DPYD: variants seen among roughly 807,000 people sequenced by gnomAD.
DPYD encodes dihydropyrimidine dehydrogenase [NADP(+)].
In DPYD, 109 loss-of-function variants were observed where a neutral mutation model predicts 116.2. That is an observed-to-expected ratio of 0.94 (90% confidence interval 0.80 to 1.10). The LOEUF (loss-of-function observed/expected upper bound fraction) is 1.10, where lower values mean the gene tolerates loss of function less well. Among genes scored for constraint, DPYD ranks in the 50% least tolerant of loss-of-function variants. The pLI is 0.00. For synonymous variants in DPYD, 440 were observed against 432.0 expected (o/e 1.02, Z -0.23); for missense variants, 1,302 against 1,254.5 (o/e 1.04, Z -0.57).
At chr1:97,611,222 C>G (rs548712891) in intron 8 of DPYD, among the ~76,000 whole-genome samples, 3 of 152,150 alleles carry the variant, frequency 2.0e-5, no homozygotes, top group Admixed American at 6.6e-5. Context: ...AGAGCCTGTG[C>G]AGAGAAACTC....
intron 14 of DPYD, among the ~76,000 whole-genome samples, chr1:97,398,909 T>C (rs939743416): frequency 6.6e-6 from 1 of 152,204 alleles, no homozygotes; most frequent in African/African-American, 2.4e-5. Flanking sequence ...CTGTTCACTC[T>C]GATGGTAGTT....
At chr1:97,789,666 C>T (rs1398760336) in intron 3 of DPYD, among the ~76,000 whole-genome samples, 1 of 152,082 alleles carries the variant, frequency 6.6e-6, no homozygotes, top group Non-Finnish European at 1.5e-5. Flanking sequence ...CCCATATGAC[C>T]TCATGCTGGC....
At chr1:97,258,317 C>A (rs1049917869) in intron 18 of DPYD, among the ~76,000 whole-genome samples, 2 of 152,302 alleles carry the variant, frequency 1.3e-5, no homozygotes, top group Non-Finnish European at 2.9e-5. Context: ...AGGGCCTCTC[C>A]TGCCACCACA....
intron 4 of DPYD, among the ~76,000 whole-genome samples, chr1:97,739,723 C>T (rs1472759302): frequency 1.3e-5 from 2 of 151,882 alleles, no homozygotes; most frequent in African/African-American, 2.4e-5. Flanking sequence ...GACACTTGGG[C>T]GAGCTCTCAA....
At position 97,630,184 on chromosome 1, in the gene DPYD, A is replaced by G. The variant is rs1389540318; in HGVS notation, c.851-35018T>C. On this transcript the variant is annotated intron_variant, in intron 8 of 22. Coordinates refer to ENST00000370192, the MANE Select transcript of DPYD (RefSeq NM_000110.4). ...GCCACTATATACAGTCAAAAAAAAAAGAAATATAAAGCACTATATAAATAT... is the reference window on the plus strand; with the variant it reads ...GCCACTATATACAGTCAAAAAAAAAGGAAATATAAAGCACTATATAAATAT... Among the ~76,000 whole-genome samples the G allele has an allele frequency of 7.1e-4, 108 of 151,944 alleles. 1 individual carries two copies. The highest frequency in any genetic ancestry group is 7.4e-5 in the Non-Finnish European group (5 of 67,968).
Position 97,450,320 on chromosome 1 carries a change from C to T in DPYD, c.1741-97G>A, listed in dbSNP as rs556068918. The stretch of plus-strand genomic sequence containing the variant: ...TCCATATGACAATATTTTATGAGGT[C>T]CCTTCTCACATTTTTGCAGAGGAAT... On this transcript the variant is annotated intron_variant, in intron 13 of 22. Transcript: ENST00000370192. The T allele has an allele frequency of 1.3e-5, 17 of 1,338,480 alleles. No individual in the cohort carries two copies. The South Asian group carries it at 1.8e-4, about 14-fold the overall frequency. 82.9% of individuals were successfully genotyped at this position (1,338,480 alleles called of 1,614,324 possible). A position where few individuals can be genotyped will look rare whatever the true frequency, so the allele number is the denominator to read the frequency against.
intron 3 of DPYD, among the ~76,000 whole-genome samples, chr1:97,825,464 A>G (rs998497774): frequency 1.3e-5 from 2 of 152,046 alleles, no homozygotes; most frequent in Admixed American, 6.6e-5. Context: ...ACTCAGGACA[A>G]GAACACCACT....
At chr1:97,896,130 T>C (rs1050374722) in intron 1 of DPYD, among the ~76,000 whole-genome samples, 1 of 151,806 alleles carries the variant, frequency 6.6e-6, no homozygotes, top group African/African-American at 2.4e-5. Flanking sequence ...AATGGACTCT[T>C]AGAGATTAAC....
intron 20 of DPYD, among the ~76,000 whole-genome samples, chr1:97,145,012 G>A (rs910400232): frequency 6.6e-6 from 1 of 152,164 alleles, no homozygotes; most frequent in South Asian, 2.1e-4. Context: ...TGGTGGTGGT[G>A]CTGGGGCAAG....
chr1:97,363,406 G>T (rs2101444268), intron 16 of DPYD, among the ~76,000 whole-genome samples: 1 of 152,278 alleles, frequency 6.6e-6, no homozygotes, highest in East Asian at 1.9e-4. Context: ...ATTTGTCAAG[G>T]ATCTAGAACT....
At chr1:97,473,139 ATC>A (rs912988588) in intron 13 of DPYD, among the ~76,000 whole-genome samples, 39 of 152,146 alleles carry the variant, frequency 2.6e-4, no homozygotes, top group African/African-American at 8.9e-4. Context: ...GCTTCCCAAA[ATC>A]TCCTGGCAAC....
At chr1:97,162,009 G>A (rs2101746553) in intron 20 of DPYD, among the ~76,000 whole-genome samples, 1 of 151,884 alleles carries the variant, frequency 6.6e-6, no homozygotes, top group Non-Finnish European at 1.5e-5. Flanking sequence ...CTTTGCTATT[G>A]TGAATAGAGC....
chr1:97,330,498 C>T (rs915966182), intron 16 of DPYD, among the ~76,000 whole-genome samples: 26 of 152,146 alleles, frequency 1.7e-4, no homozygotes, highest in African/African-American at 5.8e-4. Flanking sequence ...TCAACTGCTA[C>T]TCTATCTGCC....
chr1:97,498,871 T>G (rs543504506), intron 13 of DPYD, among the ~76,000 whole-genome samples: 10 of 151,754 alleles, frequency 6.6e-5, no homozygotes, highest in Admixed American at 2.6e-4. Context: ...AGATTAAAAT[T>G]TAATAGAAAA....
intron 2 of DPYD, among the ~76,000 whole-genome samples, chr1:97,868,784 G>A (rs567693234): frequency 2.6e-5 from 4 of 151,796 alleles, no homozygotes; most frequent in South Asian, 2.1e-4. Context: ...CAACTTAATC[G>A]TAATTTTAAC....
chr1:97,881,081 G>C (rs1672194454), intron 2 of DPYD, among the ~76,000 whole-genome samples: 1 of 151,920 alleles, frequency 6.6e-6, no homozygotes, highest in South Asian at 2.1e-4. Flanking sequence ...GCAAGTGTTT[G>C]ATAATTTTAA....
intron 8 of DPYD, among the ~76,000 whole-genome samples, chr1:97,617,898 T>C (rs1360800205): frequency 1.3e-5 from 2 of 152,164 alleles, no homozygotes; most frequent in Non-Finnish European, 2.9e-5. Flanking sequence ...GGAGAAACTT[T>C]TATGAAAAGA....
At chr1:97,360,606 C>T (rs907767294) in intron 16 of DPYD, among the ~76,000 whole-genome samples, 1 of 152,198 alleles carries the variant, frequency 6.6e-6, no homozygotes. Flanking sequence ...CAAACTGTCT[C>T]TCAGACCACA....
chr1:97,757,395 G>A (rs1665308300), intron 3 of DPYD, among the ~76,000 whole-genome samples: 1 of 152,104 alleles, frequency 6.6e-6, no homozygotes, highest in Non-Finnish European at 1.5e-5. Flanking sequence ...CCAGCATTTG[G>A]AGGCTCTGAA....
Sources: allele counts gnomAD v4.1 joint callset (sites outside exome capture counted in the v4.1 genomes callset), GRCh38; gene constraint gnomAD v4.1.1; transcripts MANE v1.5; gene names NCBI Gene and HGNC (gene_info 2026-07-23, HGNC 2026-07-21).